Variants in DIP2A observed in about 807,000 individuals in gnomAD.
DIP2A encodes disco-interacting protein 2 homolog A.
Under a neutral mutation model 177.4 loss-of-function variants are expected in DIP2A, and 85 were observed. That is an observed-to-expected ratio of 0.48 (90% CI 0.40 to 0.57). The LOEUF is 0.57. Ranked by LOEUF, DIP2A falls within the 20% of genes least tolerant of loss-of-function variation. The probability of loss-of-function intolerance (pLI) is 0.00; values close to 1 mark genes in which losing one functional copy is unlikely to be tolerated. For missense variants in DIP2A, 1,791 were observed against 2,100.2 expected, an observed-to-expected ratio of 0.85 and a Z score of 2.88; for synonymous variants, 886 against 881.8, an observed-to-expected ratio of 1.00 and a Z score of -0.08.
the DIP2A span, among the ~76,000 whole-genome samples, chr21:46,575,186 G>A: frequency 1.2e-4 from 19 of 152,022 alleles, no homozygotes; most frequent in Admixed American, 7.2e-4. Context: ...ACATGTGATC[G>A]TCTCGATTGA....
chr21:46,512,135 AAGT>A (rs959583441), intron 8 of DIP2A, among the ~76,000 whole-genome samples: 10 of 152,146 alleles, frequency 6.6e-5, no homozygotes, highest in African/African-American at 2.4e-4. Flanking sequence ...GCCTTTAAAC[AAGT>A]GTTCTTTTAG....
At position 46,498,882 on chromosome 21, in the gene DIP2A, A is replaced by G; in HGVS notation, c.655+49A>G. 6.4e-7 allele frequency: 1 copy of G among 1,553,754 alleles called. No individual in the cohort carries two copies. The highest frequency in any genetic ancestry group is 8.7e-7 in the Non-Finnish European group (1 of 1,147,930). On this transcript the variant is annotated intron_variant, in intron 5 of 37. Coordinates refer to ENST00000417564, the MANE Select transcript of DIP2A (RefSeq NM_015151.4). This position sits in a 1 kb window ranked among gnomAD's most constrained non-coding sequence, Gnocchi z 4.3. ...CCTGTGCCAGCAGAGCGGGGTCAGG[A>G]GTGTCCAGGACAGAGGAGCAGATGG...
chr21:46,551,291 C>T (rs2060263976), intron 23 of DIP2A, among the ~76,000 whole-genome samples: 1 of 152,146 alleles, frequency 6.6e-6, no homozygotes, highest in Non-Finnish European at 1.5e-5. Flanking sequence ...GAACACATAT[C>T]ACTAAATACA....
chr21:46,498,643 T>C lies in DIP2A; in HGVS notation c.465T>C (p.Thr155=), dbSNP rs1356598898. Residue 155 remains threonine (T), a synonymous_variant, in exon 5 of 38, where the codon ACT becomes ACC. Transcript: ENST00000417564. The surrounding 1 kb of genome is among the most constrained non-coding windows in gnomAD (Gnocchi z 4.3). ...SLRRPGRLTS[T]PLQSHSSVEP... ...GGCGACCCGGGCGACTCACCTCCAC[T>C]CCGCTCCAGAGCCATTCCAGCGTCG... 2.5e-6 allele frequency: 4 copies of C among 1,613,472 alleles called. No individual in the cohort carries two copies. The highest frequency in any genetic ancestry group is 3.4e-6 in the Non-Finnish European group (4 of 1,179,850).
chr21:46,509,499 G>T, intron 7 of DIP2A, 123 bp downstream of exon 7: 1 of 1,221,518 alleles, frequency 8.2e-7, no homozygotes, highest in Non-Finnish European at 1.1e-6. Context: ...TCCAGACTCA[G>T]TGGTCACTGG....
Position 46,557,072 on chromosome 21 carries a change from G to T in DIP2A, c.3629+3G>T. 1 of 1,605,220 alleles carries T rather than the reference G, an allele frequency of 6.2e-7. No individual in the cohort carries two copies. The highest frequency in any genetic ancestry group is 1.1e-5 in the South Asian group (1 of 89,614). ...TTTGCCCTGTGGTGTCTGTGCAGGTGAGTGCAGGGCCCCTGCTGCCTGCCA... is the reference window on the plus strand; with the variant it reads ...TTTGCCCTGTGGTGTCTGTGCAGGTTAGTGCAGGGCCCCTGCTGCCTGCCA... On this transcript the variant is annotated splice_donor_region_variant and intron_variant, in intron 30 of 37. Transcript: ENST00000417564. The surrounding 1 kb of genome is among the most constrained non-coding windows in gnomAD (Gnocchi z 6.0).
In DIP2A at chr21:46,560,703, T is replaced by A; in HGVS notation, c.3970-19T>A. 6.2e-7 allele frequency: 1 copy of A among 1,601,568 alleles called. No homozygotes were observed. Among genetic ancestry groups the A allele is most frequent in the Non-Finnish European group, 8.5e-7 (1 of 1,174,472 alleles). On this transcript the variant is annotated intron_variant, in intron 32 of 37. Transcript: ENST00000417564. ...AGTGAGGCCCCTGAACAGAAGTTCC[T>A]CTGCTGCTCTCCTTCCAGGGCACAG... is the stretch of plus-strand genomic sequence containing the variant.
chr21:46,575,081 TAC>T, the DIP2A span, among the ~76,000 whole-genome samples: 1 of 152,082 alleles, frequency 6.6e-6, no homozygotes, highest in South Asian at 2.1e-4. Context: ...TATATAGCAT[TAC>T]AAAGTGGGGT....
intron 18 of DIP2A, among the ~76,000 whole-genome samples, chr21:46,543,973 A>C (rs1057045784): frequency 6.6e-6 from 1 of 152,208 alleles, no homozygotes; most frequent in Non-Finnish European, 1.5e-5. Context: ...GGAGATGAGA[A>C]TATATTAGAA....
chr21:46,531,357 G>A (rs1449781443), intron 9 of DIP2A, among the ~76,000 whole-genome samples: 2 of 152,168 alleles, frequency 1.3e-5, no homozygotes. Context: ...AAATTAGCTA[G>A]AGAATACACA....
chr21:46,528,414 A>G (rs1470136451), intron 8 of DIP2A, among the ~76,000 whole-genome samples: 1 of 149,116 alleles, frequency 6.7e-6, no homozygotes, highest in African/African-American at 2.5e-5. Context: ...GAAGTATCTC[A>G]TTTCTTGAAA....
chr21:46,483,195 G>A (rs2839284), intron 1 of DIP2A, among the ~76,000 whole-genome samples: 72,538 of 151,602 alleles, frequency 0.48, 18,204 homozygotes, highest in African/African-American at 0.63. Flanking sequence ...TTTATAATAT[G>A]ATGCCATTCG....
intron 2 of DIP2A, among the ~76,000 whole-genome samples, chr21:46,486,394 A>G (rs906376130): frequency 3.3e-5 from 5 of 152,078 alleles, no homozygotes; most frequent in Non-Finnish European, 5.9e-5. Flanking sequence ...GGGTCTCGCT[A>G]TGTTGCCCAG....
At position 46,554,591 on chromosome 21, in the gene DIP2A, C is replaced by CACAGGGGTGGACA; in HGVS notation, c.3171_3172insACAGGGGTGGACA (p.Ala1058ThrfsTer78). Reference sequence around the variant, plus strand: ...TCTCCACAGGGGTGGACCTCATTGCCGCGTTCTATGGCTGCTTGTACTGTG... The same window carrying CACAGGGGTGGACA: ...TCTCCACAGGGGTGGACCTCATTGCCACAGGGGTGGACAGCGTTCTATGGCTGCTTGTACTGTG... On this transcript the variant is annotated frameshift_variant, in exon 27 of 38. Coordinates refer to ENST00000417564, the MANE Select transcript of DIP2A (RefSeq NM_015151.4). LOFTEE classifies it high-confidence loss of function. 1 of 1,611,876 alleles carries CACAGGGGTGGACA rather than the reference C, an allele frequency of 6.2e-7. No homozygotes were observed. The highest frequency in any genetic ancestry group is 8.5e-7 in the Non-Finnish European group (1 of 1,179,118).
chr21:46,573,743 A>G (rs1277068400), downstream of DIP2A, among the ~76,000 whole-genome samples: 2 of 151,310 alleles, frequency 1.3e-5, no homozygotes, highest in African/African-American at 4.8e-5. Flanking sequence ...ATATAGTTTA[A>G]ATAAAAAATG....
At chr21:46,508,110 T>C (rs2148606477) in intron 6 of DIP2A, among the ~76,000 whole-genome samples, 1 of 151,870 alleles carries the variant, frequency 6.6e-6, no homozygotes, top group Admixed American at 6.6e-5. Flanking sequence ...CATGGCTCAC[T>C]GTAGCCTGAA....
rs536977609 is a variant in DIP2A at position 46,539,836 on chromosome 21, C to G, written c.1922-41C>G. On this transcript the variant is annotated intron_variant, in intron 16 of 37. Transcript: ENST00000417564. ...CCAGCCACCCCTTCCCTGCTGGCCC[C>G]CCAGTTAGTGCTGGCGTTCCACTCT... is the stretch of plus-strand genomic sequence containing the variant. 45 of 1,523,896 alleles carry G rather than the reference C, an allele frequency of 3.0e-5. No individual in the cohort carries two copies. In the East Asian group the frequency reaches 9.5e-4, roughly 32 times the overall value. 94.4% of individuals were successfully genotyped at this position (1,523,896 alleles called of 1,614,324 possible). A position where few individuals can be genotyped will look rare whatever the true frequency, so the allele number is the denominator to read the frequency against.
chr21:46,488,086 A>G (rs1251586860), intron 2 of DIP2A, among the ~76,000 whole-genome samples: 3 of 152,204 alleles, frequency 2.0e-5, no homozygotes, highest in Admixed American at 6.5e-5. Flanking sequence ...CAACAGGAGG[A>G]TGCCAGTGTA....
intron 3 of DIP2A, among the ~76,000 whole-genome samples, chr21:46,491,611 C>G (rs1054043066): frequency 5.9e-5 from 9 of 152,154 alleles, no homozygotes; most frequent in African/African-American, 9.7e-5. Context: ...TTAAAAATCA[C>G]CTGATACCCC....
Sources: allele counts gnomAD v4.1 joint callset (sites outside exome capture counted in the v4.1 genomes callset), GRCh38; gene constraint gnomAD v4.1.1; non-coding constraint Gnocchi (gnomAD v3.1); transcripts MANE v1.5; gene names NCBI Gene and HGNC (gene_info 2026-07-23, HGNC 2026-07-21).